Variants in DLGAP1 observed in about 807,000 individuals in gnomAD.
DLGAP1 encodes disks large-associated protein 1.
DLGAP1 carries 11 observed loss-of-function variants against 90.8 expected under a neutral mutation model. That is an observed-to-expected ratio of 0.12 (90% CI 0.08 to 0.20). DLGAP1 has a LOEUF of 0.20. Ranked by LOEUF, DLGAP1 falls within the 10% of genes least tolerant of loss-of-function variation. DLGAP1 has a pLI of 1.00. For synonymous variants in DLGAP1, 558 were observed against 540.7 expected (o/e 1.03, Z -0.44); for missense variants, 1,050 against 1,333.8 (o/e 0.79, Z 3.31).
chr18:3,886,025 T>G (rs536653679), intron 3 of DLGAP1, among the ~76,000 whole-genome samples: 1 of 152,336 alleles, frequency 6.6e-6, no homozygotes, highest in East Asian at 1.9e-4. Flanking sequence ...TATTCCATTT[T>G]GATTTTTGTG....
intron 2 of DLGAP1, among the ~76,000 whole-genome samples, chr18:4,047,552 G>A (rs1187714857): frequency 6.6e-6 from 1 of 152,198 alleles, no homozygotes; most frequent in Non-Finnish European, 1.5e-5. Flanking sequence ...AGTAAGATAA[G>A]TTGACAAACT....
intron 1 of DLGAP1, among the ~76,000 whole-genome samples, chr18:4,233,650 C>T (rs2078344900): frequency 6.6e-6 from 1 of 152,016 alleles, no homozygotes; most frequent in Admixed American, 6.6e-5. Flanking sequence ...GGCCAACACT[C>T]AAAGGGAAGG....
At chr18:4,155,025 G>A (rs750286141) in intron 1 of DLGAP1, among the ~76,000 whole-genome samples, 2 of 152,164 alleles carry the variant, frequency 1.3e-5, no homozygotes, top group Non-Finnish European at 2.9e-5. Flanking sequence ...AAGGTAAGAG[G>A]TATCAGAAGT....
intron 7 of DLGAP1, chr18:3,603,998 TGAA>T (rs1436782637): frequency 6.5e-6 from 1 of 154,310 alleles, no homozygotes; most frequent in African/African-American, 2.4e-5. Flanking sequence ...AGAGCGTGCA[TGAA>T]GAAGAAAGTT....
intron 9 of DLGAP1, among the ~76,000 whole-genome samples, chr18:3,557,047 ATAATTT>A (rs1214018206): frequency 6.6e-6 from 1 of 152,124 alleles, no homozygotes; most frequent in African/African-American, 2.4e-5. Flanking sequence ...GATTTCTGTT[ATAATTT>A]TATTTATTTC....
At chr18:3,715,770 A>G (rs993635611) in intron 7 of DLGAP1, among the ~76,000 whole-genome samples, 58 of 152,168 alleles carry the variant, frequency 3.8e-4, no homozygotes, top group African/African-American at 1.4e-3. Flanking sequence ...TTGTTAGAGT[A>G]AGGACTACAA....
chr18:3,885,470 A>G (rs1334495182), intron 3 of DLGAP1: 1 of 152,262 alleles, frequency 6.6e-6, no homozygotes, highest in Non-Finnish European at 1.5e-5. Context: ...AAAACATGAA[A>G]AGAGATAAAT....
chr18:3,921,373 C>G (rs1469906769), intron 3 of DLGAP1, among the ~76,000 whole-genome samples: 5 of 152,044 alleles, frequency 3.3e-5, no homozygotes, highest in Middle Eastern at 3.4e-3. Flanking sequence ...AAATCACCAC[C>G]AGAGAAACTT....
chr18:3,590,187 C>T (rs1018026313), intron 7 of DLGAP1, among the ~76,000 whole-genome samples: 11 of 152,086 alleles, frequency 7.2e-5, no homozygotes, highest in South Asian at 6.2e-4. Context: ...TGGGATTACA[C>T]GTGTGAGTCA....
intron 1 of DLGAP1, among the ~76,000 whole-genome samples, chr18:4,415,400 AATTT>A (rs950301649): frequency 4.9e-4 from 75 of 152,302 alleles, no homozygotes; most frequent in African/African-American, 1.7e-3. Flanking sequence ...GTAATATTAA[AATTT>A]ATTACTTGCC....
chr18:4,232,758 C>T (rs1288207578), intron 1 of DLGAP1, among the ~76,000 whole-genome samples: 5 of 152,140 alleles, frequency 3.3e-5, no homozygotes, highest in Non-Finnish European at 7.4e-5. Flanking sequence ...TCATATGGGA[C>T]TTAGGGCAGC....
chr18:3,765,636 C>T (rs186772495), intron 5 of DLGAP1, among the ~76,000 whole-genome samples: 35 of 151,980 alleles, frequency 2.3e-4, no homozygotes, highest in African/African-American at 8.2e-4. Context: ...GAGTTCGAAA[C>T]CAGCCTGGCC....
chr18:4,279,733 A>G (rs1434176325), intron 1 of DLGAP1, among the ~76,000 whole-genome samples: 1 of 152,222 alleles, frequency 6.6e-6, no homozygotes. Context: ...AAACTCTTTT[A>G]TATCAAATTT....
intron 1 of DLGAP1, among the ~76,000 whole-genome samples, chr18:4,304,974 T>C (rs1417974966): frequency 1.3e-5 from 2 of 152,034 alleles, no homozygotes; most frequent in Non-Finnish European, 2.9e-5. Flanking sequence ...GCTAACATTA[T>C]TCATTAAAAG....
At chr18:4,156,906 G>T (rs1322207387) in intron 1 of DLGAP1, among the ~76,000 whole-genome samples, 1 of 152,188 alleles carries the variant, frequency 6.6e-6, no homozygotes, top group Admixed American at 6.5e-5. Flanking sequence ...AGCTGAGGAG[G>T]AACATTTCTG....
At chr18:4,442,309 T>G (rs1412805505) in intron 1 of DLGAP1, among the ~76,000 whole-genome samples, 1 of 152,208 alleles carries the variant, frequency 6.6e-6, no homozygotes, top group Non-Finnish European at 1.5e-5. Flanking sequence ...TGAAATCACT[T>G]TCTACATAGG....
At chr18:3,861,418 G>T (rs777350990) in intron 4 of DLGAP1, among the ~76,000 whole-genome samples, 8 of 152,114 alleles carry the variant, frequency 5.3e-5, no homozygotes, top group Admixed American at 1.3e-4. Context: ...ACTTGTTAGT[G>T]ACCCCTTATT....
At chr18:3,650,372 T>A (rs1015020379) in intron 7 of DLGAP1, among the ~76,000 whole-genome samples, 1 of 152,160 alleles carries the variant, frequency 6.6e-6, no homozygotes, top group Non-Finnish European at 1.5e-5. Flanking sequence ...AGGAATATTT[T>A]GGCTGGATGC....
chr18:3,597,291 G>T (rs2056638169), intron 7 of DLGAP1: 1 of 486,314 alleles, frequency 2.1e-6, no homozygotes, highest in Admixed American at 2.5e-5. Flanking sequence ...ATCTGGAATG[G>T]AATCACATGA....
Sources: gnomAD v4.1 joint callset for allele counts (sites outside exome capture counted in the v4.1 genomes callset) on GRCh38, gnomAD v4.1.1 for gene constraint, MANE v1.5 for transcripts, NCBI Gene and HGNC (gene_info 2026-07-23, HGNC 2026-07-21) for gene names.